CYP39A1: variants seen among roughly 807,000 people sequenced by gnomAD.
The protein encoded by CYP39A1 is cytochrome P450 family 39 subfamily A member 1.
Under a neutral mutation model 58.1 loss-of-function variants are expected in CYP39A1, and 49 were observed. The observed-to-expected ratio is 0.84, with a 90% CI of 0.67 to 1.07. The LOEUF (loss-of-function observed/expected upper bound fraction) is 1.07. Ranked by LOEUF, CYP39A1 falls within the 50% of genes least tolerant of loss-of-function variation. CYP39A1 has a pLI of 0.00. For synonymous variants in CYP39A1, 209 were observed against 187.6 expected (o/e 1.11, Z -0.93); for missense variants, 531 against 539.4 (o/e 0.98, Z 0.16).
intron 7 of CYP39A1, among the ~76,000 whole-genome samples, chr6:46,620,330 C>T (rs1419801969): frequency 6.6e-6 from 1 of 152,146 alleles, no homozygotes; most frequent in African/African-American, 2.4e-5. Flanking sequence ...TTGGCAGTTT[C>T]CTAGAAGACC....
At chr6:46,591,625 T>C (rs1772842102) in intron 8 of CYP39A1, among the ~76,000 whole-genome samples, 1 of 152,126 alleles carries the variant, frequency 6.6e-6, no homozygotes, top group Admixed American at 6.6e-5. Flanking sequence ...CTAATATTGA[T>C]AGATTTAAAA....
intron 7 of CYP39A1, among the ~76,000 whole-genome samples, chr6:46,605,509 A>C (rs73469125): frequency 0.053 from 8,134 of 152,272 alleles, 465 homozygotes; most frequent in African/African-American, 0.14. Context: ...CACTTTGGGA[A>C]ATAAAGAGCT....
chr6:46,551,384 A>G (rs10678312), intron 11 of CYP39A1, among the ~76,000 whole-genome samples: 4 of 151,044 alleles, frequency 2.6e-5, no homozygotes, highest in Non-Finnish European at 5.9e-5. Context: ...AAAAAAAAAA[A>G]CAACCATACA....
chr6:46,619,626 G>T (rs1005230979), intron 7 of CYP39A1, among the ~76,000 whole-genome samples: 4 of 152,016 alleles, frequency 2.6e-5, no homozygotes, highest in Non-Finnish European at 5.9e-5. Context: ...AAGAGAAAGA[G>T]TTCCAGGCAC....
intron 10 of CYP39A1, among the ~76,000 whole-genome samples, chr6:46,570,393 A>G (rs1771519784): frequency 5.3e-5 from 8 of 151,730 alleles, no homozygotes; most frequent in Admixed American, 5.2e-4. Context: ...GTTCTTCTTT[A>G]TCTAGTTCCT....
intron 10 of CYP39A1, among the ~76,000 whole-genome samples, chr6:46,584,601 T>C (rs1772348361): frequency 6.6e-6 from 1 of 152,170 alleles, no homozygotes; most frequent in Non-Finnish European, 1.5e-5. Context: ...TCTTTATTAG[T>C]GCCATGTGAG....
intron 10 of CYP39A1, among the ~76,000 whole-genome samples, chr6:46,569,946 A>G (rs1771491542): frequency 1.3e-5 from 2 of 152,096 alleles, no homozygotes; most frequent in African/African-American, 4.8e-5. Context: ...ATTTGTATTA[A>G]TTCTTTAAAT....
At chr6:46,630,673 C>G (rs1481829204) in intron 6 of CYP39A1, among the ~76,000 whole-genome samples, 1 of 152,196 alleles carries the variant, frequency 6.6e-6, no homozygotes, top group Non-Finnish European at 1.5e-5. Flanking sequence ...GTTCCATAAA[C>G]AGATGTTGTC....
At chr6:46,551,995 T>A (rs1245423737) in intron 11 of CYP39A1, among the ~76,000 whole-genome samples, 2 of 152,228 alleles carry the variant, frequency 1.3e-5, no homozygotes, top group African/African-American at 4.8e-5. Flanking sequence ...TAAAAAGTGT[T>A]CTCAGTGGTG....
intron 10 of CYP39A1, among the ~76,000 whole-genome samples, chr6:46,558,472 A>T (rs1328270822): frequency 6.6e-6 from 1 of 152,042 alleles, no homozygotes; most frequent in Non-Finnish European, 1.5e-5. Flanking sequence ...CACGAACATC[A>T]AGGGGGAAGT....
intron 10 of CYP39A1, among the ~76,000 whole-genome samples, chr6:46,577,078 A>G (rs1276445855): frequency 2.0e-5 from 3 of 152,170 alleles, no homozygotes; most frequent in Non-Finnish European, 1.5e-5. Flanking sequence ...TAACAATGAA[A>G]CTTTCAGCAG....
chr6:46,633,599 C>G (rs970898940), intron 5 of CYP39A1, among the ~76,000 whole-genome samples: 5 of 152,174 alleles, frequency 3.3e-5, no homozygotes, highest in South Asian at 4.1e-4. Context: ...TGGCTCACGC[C>G]TGTAATCCCA....
At chr6:46,619,452 T>C (rs2150563838) in intron 7 of CYP39A1, among the ~76,000 whole-genome samples, 1 of 152,154 alleles carries the variant, frequency 6.6e-6, no homozygotes, top group South Asian at 2.1e-4. Flanking sequence ...TAAAAAATAT[T>C]TTTAAAAGTT....
intron 11 of CYP39A1, among the ~76,000 whole-genome samples, chr6:46,553,360 G>A (rs569404523): frequency 1.1e-4 from 17 of 152,208 alleles, no homozygotes; most frequent in African/African-American, 1.7e-4. Context: ...TTTCCATGCT[G>A]TTCCTTTTCA....
chr6:46,623,325 G>C (rs1775091609), intron 7 of CYP39A1, among the ~76,000 whole-genome samples: 1 of 151,942 alleles, frequency 6.6e-6, no homozygotes, highest in Non-Finnish European at 1.5e-5. Flanking sequence ...ATTTACTCAG[G>C]GTTCTCCAGA....
intron 1 of CYP39A1, among the ~76,000 whole-genome samples, chr6:46,644,380 G>A (rs1776522258): frequency 6.6e-6 from 1 of 152,106 alleles, no homozygotes; most frequent in African/African-American, 2.4e-5. Flanking sequence ...TATGAAGGCT[G>A]GGCTAGACAT....
chr6:46,572,459 T>C (rs533828422), intron 10 of CYP39A1, among the ~76,000 whole-genome samples: 95 of 152,324 alleles, frequency 6.2e-4, no homozygotes, highest in African/African-American at 2.2e-3. Context: ...TTTCAGAATG[T>C]TTTTTCTTTC....
At chr6:46,575,009 G>T (rs1281304142) in intron 10 of CYP39A1, among the ~76,000 whole-genome samples, 1 of 152,062 alleles carries the variant, frequency 6.6e-6, no homozygotes, top group Non-Finnish European at 1.5e-5. Context: ...AGTAGAGAAA[G>T]TTGGGAACAC....
chr6:46,608,772 C>T (rs149157979), intron 7 of CYP39A1, among the ~76,000 whole-genome samples: 32 of 152,024 alleles, frequency 2.1e-4, no homozygotes, highest in Admixed American at 2.6e-4. Flanking sequence ...TTGCCACAAA[C>T]CCGGCTAATT....
Sources: allele counts gnomAD v4.1 joint callset (sites outside exome capture counted in the v4.1 genomes callset), GRCh38; gene constraint gnomAD v4.1.1; transcripts MANE v1.5; gene names NCBI Gene and HGNC (gene_info 2026-07-23, HGNC 2026-07-21).